SELENOO: variants seen among roughly 807,000 people sequenced by gnomAD.
SELENOO encodes selenoprotein O.
Under a neutral mutation model 58.7 loss-of-function variants are expected in SELENOO, and 74 were observed. That is an observed-to-expected ratio of 1.26 (90% confidence interval 1.04 to 1.53). The LOEUF is 1.53. Ranked by LOEUF, SELENOO falls within the 40% of genes most tolerant of loss-of-function variation. SELENOO has a pLI of 0.00. For synonymous variants in SELENOO, 543 were observed against 453.2 expected, an observed-to-expected ratio of 1.20 and a Z score of -2.52; for missense variants, 1,149 against 970.0, an observed-to-expected ratio of 1.18 and a Z score of -2.45.
In SELENOO at chr22:50,201,061, G is replaced by C. The variant is rs1374032880; in HGVS notation, c.25G>C (p.Gly9Arg). Reference protein sequence around the residue: MAVYRAALGASLAAARLLP... With the variant: MAVYRAALRASLAAARLLP... Reference sequence around the variant, plus strand: ...GATGGCCGTATACAGGGCAGCGCTCGGGGCTTCGCTCGCGGCTGCCCGACT... The same window carrying C: ...GATGGCCGTATACAGGGCAGCGCTCCGGGCTTCGCTCGCGGCTGCCCGACT... The change falls in exon 1 of 9, where the codon GGG becomes CGG. Residue 9 changes from glycine (G) to arginine (R), a missense_variant. By Grantham distance (125) the Gly-to-Arg change is moderately radical (BLOSUM62 -2). Coordinates refer to ENST00000380903, the MANE Select transcript of SELENOO (RefSeq NM_031454.2). The C allele has an allele frequency of 1.6e-5, 22 of 1,355,348 alleles. No individual in the cohort carries two copies. The highest frequency in any genetic ancestry group is 2.0e-5 in the Non-Finnish European group (21 of 1,054,478). The allele number at this position is 1,355,348 out of a possible 1,614,324, so 84.0% of individuals were successfully genotyped here. A position where few individuals can be genotyped will look rare whatever the true frequency, so the allele number is the denominator to read the frequency against.
Position 50,201,317 on chromosome 22 carries a change from G to T in SELENOO, c.281G>T (p.Arg94Leu). The T allele has an allele frequency of 8.8e-7, 1 of 1,133,514 alleles. No homozygotes were observed. The highest frequency in any genetic ancestry group is 1.1e-6 in the Non-Finnish European group (1 of 927,020). The allele number at this position is 1,133,514 out of a possible 1,614,324, so 70.2% of individuals were successfully genotyped here. The change falls in exon 1 of 9, where the codon CGC becomes CTC. Residue 94 changes from arginine (R) to leucine (L), a missense_variant. Physicochemically the swap from Arg to Leu is moderately radical, Grantham distance 102. Transcript: ENST00000380903. The part of the protein sequence containing the change: ...RVQPTPLRQP[R>L]LVALSEPALA... ...CAGCCCACCCCGCTGCGGCAGCCGC[G>T]CCTCGTGGCGCTGTCAGAGCCCGCG... is the stretch of plus-strand genomic sequence containing the variant.
intron 5 of SELENOO, among the ~76,000 whole-genome samples, chr22:50,214,042 C>T (rs923169315): frequency 2.0e-5 from 3 of 152,192 alleles, no homozygotes; most frequent in East Asian, 3.8e-4. Context: ...ATTCTGCCAA[C>T]GTTTACATTT....
intron 4 of SELENOO, 55 bp downstream of exon 4, chr22:50,210,366 C>T: frequency 1.3e-6 from 2 of 1,582,830 alleles, no homozygotes; most frequent in Non-Finnish European, 1.7e-6. Context: ...GGGGTGCGGG[C>T]TGCATGAAAC....
rs1477006141 is a variant in SELENOO at position 50,217,514 on chromosome 22, C to T, written c.*145C>T. On this transcript the variant is annotated 3_prime_UTR_variant, in exon 9 of 9. Transcript: ENST00000380903. ...CGTCTTTCCATGATGGCAGAGACAT[C>T]CAGTCAGGACCTGACCCGTCTCTGT... 2 of 1,114,394 alleles carry T rather than the reference C, an allele frequency of 1.8e-6. No individual in the cohort carries two copies. The highest frequency in any genetic ancestry group is 2.5e-6 in the Non-Finnish European group (2 of 785,444). The allele number at this position is 1,114,394 out of a possible 1,614,324, so 69.0% of individuals were successfully genotyped here. A position where few individuals can be genotyped will look rare whatever the true frequency, so the allele number is the denominator to read the frequency against.
intron 1 of SELENOO, 81 bp downstream of exon 1, chr22:50,201,671 G>C: frequency 2.9e-6 from 3 of 1,046,858 alleles, no homozygotes; most frequent in Non-Finnish European, 3.7e-6. Flanking sequence ...GGTGTTGGGG[G>C]CGTCCGGCGG....
At position 50,216,695 on chromosome 22, in the gene SELENOO, CT is replaced by C. The variant is rs2064415564; in HGVS notation, c.1508del (p.Leu503HisfsTer3). On this transcript the variant is annotated frameshift_variant, in exon 7 of 9. Coordinates refer to ENST00000380903, the MANE Select transcript of SELENOO (RefSeq NM_031454.2). LOFTEE classifies it high-confidence loss of function. Reference protein sequence around the residue: ...AFRPQMDPRQLSMMLMLAQSN... With the variant: ...AFRPQMDPRQXSMMLMLAQSN... The stretch of plus-strand genomic sequence containing the variant: ...GACACCCTGGCCTCTCCACAGGCAG[CT>C]ATCCATGATGCTGATGCTGGCGCAG... 1 of 1,588,498 alleles carries C rather than the reference CT, an allele frequency of 6.3e-7. No individual in the cohort carries two copies. The highest frequency in any genetic ancestry group is 1.3e-5 in the African/African-American group (1 of 74,334).
rs150121885 is a variant in SELENOO at position 50,205,410 on chromosome 22, C to T, written c.555-907C>T. On this transcript the variant is annotated intron_variant, in intron 1 of 8. Coordinates refer to ENST00000380903, the MANE Select transcript of SELENOO (RefSeq NM_031454.2). ...AGACTAGCGTGGGCAACATAAACCC[C>T]GTCTTTACAAAAAGTAAGACAAGAA... Among the ~76,000 whole-genome samples the T allele has an allele frequency of 1.9e-3, 282 of 152,258 alleles. 7 individuals are homozygous for T. The highest frequency in any genetic ancestry group is 6.2e-3 in the East Asian group (32 of 5,190).
Position 50,206,342 on chromosome 22 carries a change from C to CG in SELENOO, c.582dup (p.Ser195ValfsTer39). On this transcript the variant is annotated frameshift_variant, in exon 2 of 9. Coordinates refer to ENST00000380903, the MANE Select transcript of SELENOO (RefSeq NM_031454.2). LOFTEE classifies it high-confidence loss of function. Reference sequence around the variant, plus strand: ...ACAGGCCGACGGTCGCAAGGTCCTACGGTCAAGCATCCGGGAGTTTCTATG... The same window carrying CG: ...ACAGGCCGACGGTCGCAAGGTCCTACGGGTCAAGCATCCGGGAGTTTCTATG... 6.2e-7 allele frequency: 1 copy of CG among 1,613,998 alleles called. No homozygotes were observed. The highest frequency in any genetic ancestry group is 8.5e-7 in the Non-Finnish European group (1 of 1,180,038).
At chr22:50,212,944 C>T (rs1275717426) in intron 5 of SELENOO, among the ~76,000 whole-genome samples, 1 of 152,200 alleles carries the variant, frequency 6.6e-6, no homozygotes, top group African/African-American at 2.4e-5. Flanking sequence ...CTTCTTTCTC[C>T]AGTTCCTTAG....
chr22:50,202,053 G>A (rs1163191625), intron 1 of SELENOO, among the ~76,000 whole-genome samples: 1 of 152,188 alleles, frequency 6.6e-6, no homozygotes, highest in African/African-American at 2.4e-5. Context: ...CACACAGGTG[G>A]TCTAATAAGG....
chr22:50,215,689 C>G (rs1390629368), intron 5 of SELENOO, 28 bp from the exon 6 acceptor site: 3 of 1,556,942 alleles, frequency 1.9e-6, no homozygotes, highest in South Asian at 2.3e-5. Flanking sequence ...CCTTCTGCTT[C>G]CAGCTCCCTG....
rs1431959447 is a variant in SELENOO at position 50,201,470 on chromosome 22, T to C, written c.434T>C (p.Phe145Ser). The change falls in exon 1 of 9, where the codon TTC becomes TCC. Residue 145 changes from phenylalanine (F) to serine (S), a missense_variant. Transcript: ENST00000380903. ...GCGCACTGCTACTGCGGCCACCAAT[T>C]CGGCCAGTTCGCCGGGCAGCTGGGC... Reference protein sequence around the residue: ...PAAHCYCGHQFGQFAGQLGDG... With the variant: ...PAAHCYCGHQSGQFAGQLGDG... The C allele has an allele frequency of 7.0e-6, 10 of 1,422,108 alleles. No individual in the cohort carries two copies. Among genetic ancestry groups the C allele is most frequent in the Non-Finnish European group, 9.2e-6 (10 of 1,085,740 alleles). 88.1% of individuals were successfully genotyped at this position (1,422,108 alleles called of 1,614,324 possible). A position where few individuals can be genotyped will look rare whatever the true frequency, so the allele number is the denominator to read the frequency against.
At position 50,206,341 on chromosome 22, in the gene SELENOO, A is replaced by C; in HGVS notation, c.579A>C (p.Leu193=). 1.2e-6 allele frequency: 2 copies of C among 1,613,934 alleles called. No homozygotes were observed. Among genetic ancestry groups the C allele is most frequent in the Non-Finnish European group, 1.7e-6 (2 of 1,180,022 alleles). The change falls in exon 2 of 9, where the codon CTA becomes CTC. Residue 193 remains leucine, a synonymous_variant. Coordinates refer to ENST00000380903, the MANE Select transcript of SELENOO (RefSeq NM_031454.2). ...GACAGGCCGACGGTCGCAAGGTCCT[A>C]CGGTCAAGCATCCGGGAGTTTCTAT... ...FSRQADGRKV[L]RSSIREFLCS...
rs753141119 is a variant in SELENOO, at chr22:50,216,657, G to C, written c.1503-34G>C. On this transcript the variant is annotated intron_variant, in intron 6 of 8. Transcript: ENST00000380903. Reference sequence around the variant, plus strand: ...GCCTGCAGGGCAGGGACACGGTCAGGGGCTACCTCCCAGACACCCTGGCCT... The same window carrying C: ...GCCTGCAGGGCAGGGACACGGTCAGCGGCTACCTCCCAGACACCCTGGCCT... 1.2e-5 allele frequency: 18 copies of C among 1,545,774 alleles called. No individual in the cohort carries two copies. The East Asian group carries it at 3.6e-4, about 31-fold the overall frequency.
At position 50,217,587 on chromosome 22, in the gene SELENOO, G is replaced by A. The variant is rs2064433231; in HGVS notation, c.*218G>A. Reference sequence around the variant, plus strand: ...GCCTGGTCCCTGGGGGCTGGACCCAGGCTCCTAAATAAACCAGCAACTCCC... The same window carrying A: ...GCCTGGTCCCTGGGGGCTGGACCCAAGCTCCTAAATAAACCAGCAACTCCC... On this transcript the variant is annotated 3_prime_UTR_variant, in exon 9 of 9. Transcript: ENST00000380903. The A allele has an allele frequency of 1.0e-6, 1 of 975,430 alleles. No homozygotes were observed. Among genetic ancestry groups the A allele is most frequent in the Middle Eastern group, 2.2e-4 (1 of 4,628 alleles). The allele number at this position is 975,430 out of a possible 1,614,324, so 60.4% of individuals were successfully genotyped here.
rs775007645 is a variant in SELENOO, at chr22:50,206,301, C to CT, written c.555-15dup. On this transcript the variant is annotated splice_polypyrimidine_tract_variant and intron_variant, in intron 1 of 8. Coordinates refer to ENST00000380903, the MANE Select transcript of SELENOO (RefSeq NM_031454.2). Reference sequence around the variant, plus strand: ...TCCTGACCGGCCCACGTAGTGAACTCTGTGTTTGGTTTCAGACAGGCCGAC... The same window carrying CT: ...TCCTGACCGGCCCACGTAGTGAACTCTTGTGTTTGGTTTCAGACAGGCCGAC... The CT allele has an allele frequency of 6.8e-6, 11 of 1,612,244 alleles. No individual in the cohort carries two copies. The highest frequency in any genetic ancestry group is 2.2e-5 in the East Asian group (1 of 44,884).
rs201436968 is a variant in SELENOO at position 50,216,891 on chromosome 22, C to T, written c.1688+15C>T. 31 of 1,605,030 alleles carry T rather than the reference C, an allele frequency of 1.9e-5. 1 individual carries two copies. Among genetic ancestry groups the T allele is most frequent in the Admixed American group, 1.2e-4 (7 of 59,930 alleles). ...CAGGCGTACAGGTGAGCCCTGCGTC[C>T]ATGGTCACCGGGGGACGGCGGGTCG... is the stretch of plus-strand genomic sequence containing the variant. On this transcript the variant is annotated intron_variant, in intron 7 of 8. Coordinates refer to ENST00000380903, the MANE Select transcript of SELENOO (RefSeq NM_031454.2).
intron 6 of SELENOO, among the ~76,000 whole-genome samples, 182 bp downstream of exon 6, chr22:50,216,049 A>G (rs966260246): frequency 1.3e-5 from 2 of 152,136 alleles, no homozygotes; most frequent in African/African-American, 2.4e-5. Context: ...GGTTGGTCAC[A>G]GAGTAGAGAG....
At chr22:50,211,999 A>G (rs1316663946) in intron 5 of SELENOO, among the ~76,000 whole-genome samples, 1 of 152,218 alleles carries the variant, frequency 6.6e-6, no homozygotes, top group African/African-American at 2.4e-5. Flanking sequence ...CACCGCACCC[A>G]GCCATATGCT....
Sources: allele counts gnomAD v4.1 joint callset (sites outside exome capture counted in the v4.1 genomes callset), GRCh38; gene constraint gnomAD v4.1.1; transcripts MANE v1.5; gene names NCBI Gene and HGNC (gene_info 2026-07-23, HGNC 2026-07-21).